Variants in XRCC5 observed in about 807,000 individuals in gnomAD.
The protein encoded by XRCC5 is DNA repair protein Ku80.
Under a neutral mutation model 95.7 loss-of-function variants are expected in XRCC5, and 12 were observed. The ratio of observed to expected loss-of-function variants is 0.13; its 90% CI spans 0.08 to 0.20. The LOEUF is 0.20. Among genes scored for constraint, XRCC5 ranks in the 10% least tolerant of loss-of-function variants. The pLI, the probability that XRCC5 is intolerant of heterozygous loss-of-function variation, is 1.00. For synonymous variants in XRCC5, 281 were observed against 290.3 expected (o/e 0.97, Z 0.33); for missense variants, 595 against 873.9 (o/e 0.68, Z 4.02).
chr2:216,172,469 C>CTTTTTTTTTTCTTT (rs1689184763), intron 16 of XRCC5, among the ~76,000 whole-genome samples: 1 of 107,800 alleles, frequency 9.3e-6, no homozygotes, highest in South Asian at 3.6e-4. Flanking sequence ...CTTTTCTTTT[C>CTTTTTTTTTTCTTT]TTTTTTTTTT....
chr2:216,157,018 G>A (rs1433971764), intron 14 of XRCC5, among the ~76,000 whole-genome samples: 1 of 152,186 alleles, frequency 6.6e-6, no homozygotes, highest in African/African-American at 2.4e-5. Flanking sequence ...CGTCCCCACA[G>A]TTCAGCAGGG....
At chr2:216,183,645 CT>C (rs1461411645) in intron 16 of XRCC5, among the ~76,000 whole-genome samples, 1 of 152,096 alleles carries the variant, frequency 6.6e-6, no homozygotes, top group African/African-American at 2.4e-5. Context: ...GTCGTATCTA[CT>C]GATTTTTCTG....
intron 2 of XRCC5, among the ~76,000 whole-genome samples, chr2:216,115,279 G>GT (rs939107879): frequency 5.3e-5 from 8 of 152,076 alleles, no homozygotes; most frequent in African/African-American, 1.9e-4. Context: ...GAGTATAGGT[G>GT]TTTTTTTGTT....
In XRCC5 at chr2:216,190,211, G is replaced by T. The variant is rs536212303; in HGVS notation, c.1835-14G>T. 282 of 1,610,442 alleles carry T rather than the reference G, an allele frequency of 1.8e-4. 1 individual carries two copies. In the South Asian group the frequency reaches 2.2e-3, roughly 13 times the overall value. ...TCACTCAAATCTAAGAAAATTTGTT[G>T]TCTTATGTTTTAGCGAGTAACCAGC... On this transcript the variant is annotated splice_polypyrimidine_tract_variant and intron_variant, in intron 16 of 20. Coordinates refer to ENST00000392132, the MANE Select transcript of XRCC5 (RefSeq NM_021141.4).
At chr2:216,194,791 TG>T in intron 18 of XRCC5, 127 bp from the exon 19 acceptor site, 1 of 860,946 alleles carries the variant, frequency 1.2e-6, no homozygotes. Flanking sequence ...GGCAACATAG[TG>T]GGACCCTGTC....
At chr2:216,119,446 A>G (rs1696767438) in intron 5 of XRCC5, among the ~76,000 whole-genome samples, 1 of 152,238 alleles carries the variant, frequency 6.6e-6, no homozygotes, top group South Asian at 2.1e-4. Context: ...AGAATTGAGG[A>G]TTAGAAGAAC....
At chr2:216,127,720 C>T (rs1409895691) in intron 8 of XRCC5, 46 bp downstream of exon 8, 1 of 1,538,036 alleles carries the variant, frequency 6.5e-7, no homozygotes, top group South Asian at 1.3e-5. Context: ...ACATTTTCTT[C>T]AACATGATGT....
At chr2:216,204,983 G>A (rs529901629) in intron 20 of XRCC5, among the ~76,000 whole-genome samples, 1 of 152,294 alleles carries the variant, frequency 6.6e-6, no homozygotes, top group Admixed American at 6.5e-5. Context: ...GTACTATGAT[G>A]TCAATCTTTT....
chr2:216,138,248 A>C (rs562440978), intron 12 of XRCC5, 69 bp downstream of exon 12: 9 of 1,423,506 alleles, frequency 6.3e-6, no homozygotes, highest in Non-Finnish European at 7.9e-6. Context: ...CCTGTCTGCT[A>C]GTTGTTGGTT....
intron 2 of XRCC5, among the ~76,000 whole-genome samples, chr2:216,115,496 G>C (rs1696679406): frequency 6.6e-6 from 1 of 152,130 alleles, no homozygotes. Flanking sequence ...GAATCCAGCA[G>C]CAGGCACCCA....
chr2:216,182,822 A>C (rs1204838222), intron 16 of XRCC5, among the ~76,000 whole-genome samples: 1 of 152,136 alleles, frequency 6.6e-6, no homozygotes, highest in Admixed American at 6.5e-5. Flanking sequence ...ATAAATATTA[A>C]TTGATGACCT....
intron 10 of XRCC5, 115 bp downstream of exon 10, chr2:216,132,502 T>C (rs1465016768): frequency 4.0e-5 from 42 of 1,041,376 alleles, no homozygotes; most frequent in Non-Finnish European, 1.5e-6. Context: ...GCAATAGGAG[T>C]GGGGAAATCC....
chr2:216,122,753 GA>G (rs145039527), intron 6 of XRCC5, among the ~76,000 whole-genome samples: 5,038 of 132,266 alleles, frequency 0.038, 92 homozygotes, highest in Non-Finnish European at 0.055. Flanking sequence ...TTGATTGAGT[GA>G]AAAAAAAAAA....
intron 16 of XRCC5, among the ~76,000 whole-genome samples, chr2:216,187,821 ACTCT>A (rs371097633): frequency 0.094 from 4,428 of 47,140 alleles, 91 homozygotes; most frequent in Non-Finnish European, 0.11. Context: ...ACACACACAC[ACTCT>A]CTCTCTCTCT....
At chr2:216,141,439 C>A in intron 13 of XRCC5, 120 bp downstream of exon 13, 1 of 951,256 alleles carries the variant, frequency 1.1e-6, no homozygotes, top group Non-Finnish European at 1.5e-6. Context: ...CCCATTTGCT[C>A]TATTTAATGG....
chr2:216,127,132 T>G (rs1696911955), intron 7 of XRCC5, among the ~76,000 whole-genome samples: 1 of 151,982 alleles, frequency 6.6e-6, no homozygotes, highest in Admixed American at 6.6e-5. Context: ...CCCAGCTACT[T>G]GGGTGTCTGA....
intron 19 of XRCC5, among the ~76,000 whole-genome samples, chr2:216,196,654 C>T (rs1218267795): frequency 6.6e-6 from 1 of 152,170 alleles, no homozygotes; most frequent in Non-Finnish European, 1.5e-5. Flanking sequence ...GAAACTCAGG[C>T]AGGATTTCTG....
At chr2:216,135,986 G>A (rs911227802) in intron 10 of XRCC5, among the ~76,000 whole-genome samples, 13 of 152,156 alleles carry the variant, frequency 8.5e-5, no homozygotes, top group Admixed American at 6.5e-4. Flanking sequence ...TGAACAGTTT[G>A]AGATAACTGA....
intron 14 of XRCC5, among the ~76,000 whole-genome samples, chr2:216,149,128 C>T (rs1331026603): frequency 6.6e-6 from 1 of 152,068 alleles, no homozygotes; most frequent in African/African-American, 2.4e-5. Flanking sequence ...TCTTTATTGA[C>T]AAAGCTTCTT....
Sources: allele counts gnomAD v4.1 joint callset (sites outside exome capture counted in the v4.1 genomes callset), GRCh38; gene constraint gnomAD v4.1.1; transcripts MANE v1.5; gene names NCBI Gene and HGNC (gene_info 2026-07-23, HGNC 2026-07-21).